The following FHIT variants were observed in gnomAD, a reference collection of about 807,000 sequenced individuals.
FHIT encodes fragile histidine triad diadenosine triphosphatase, also known as bis(5'-adenosyl)-triphosphatase.
FHIT carries 19 observed loss-of-function variants against 17.9 expected under a neutral mutation model. The ratio of observed to expected loss-of-function variants is 1.06; its 90% CI spans 0.74 to 1.56. The LOEUF (loss-of-function observed/expected upper bound fraction) is 1.56, where lower values mean the gene tolerates loss of function less well. FHIT is among the 40% of genes most tolerant of loss of function. FHIT has a pLI of 0.00. For synonymous variants in FHIT, 81 were observed against 69.7 expected (o/e 1.16, Z -0.81); for missense variants, 248 against 189.2 (o/e 1.31, Z -1.82).
intron 5 of FHIT, among the ~76,000 whole-genome samples, chr3:60,470,817 G>C (rs76592025): frequency 2.6e-5 from 4 of 152,272 alleles, no homozygotes; most frequent in Admixed American, 6.5e-5. Flanking sequence ...GGAATGTGCT[G>C]TTCACAACTG....
intron 8 of FHIT, among the ~76,000 whole-genome samples, chr3:59,762,471 T>C (rs1701571103): frequency 6.6e-6 from 1 of 152,096 alleles, no homozygotes; most frequent in African/African-American, 2.4e-5. Flanking sequence ...GTAACATGGA[T>C]AACTCAGAGT....
chr3:60,602,399 T>C (rs540928477), intron 4 of FHIT, among the ~76,000 whole-genome samples: 39 of 152,152 alleles, frequency 2.6e-4, no homozygotes, highest in Non-Finnish European at 4.7e-4. Flanking sequence ...AAAGAAAAGG[T>C]GACCCAAGAA....
chr3:60,295,091 G>C (rs938884891), intron 5 of FHIT, among the ~76,000 whole-genome samples: 1 of 151,978 alleles, frequency 6.6e-6, no homozygotes, highest in Admixed American at 6.6e-5. Flanking sequence ...TCGCTATAAA[G>C]GAATACATGA....
intron 5 of FHIT, among the ~76,000 whole-genome samples, chr3:60,373,489 C>T (rs1700422651): frequency 6.6e-6 from 1 of 152,114 alleles, no homozygotes; most frequent in African/African-American, 2.4e-5. Context: ...ATCATAGGAG[C>T]TCAGAGGCCA....
At chr3:60,981,693 C>T (rs773379433) in intron 3 of FHIT, among the ~76,000 whole-genome samples, 2 of 151,962 alleles carry the variant, frequency 1.3e-5, no homozygotes, top group African/African-American at 2.4e-5. Flanking sequence ...ACTGTAGCTT[C>T]AAACTCCTGG....
At chr3:59,940,200 C>T (rs944378852) in intron 7 of FHIT, among the ~76,000 whole-genome samples, 17 of 152,142 alleles carry the variant, frequency 1.1e-4, no homozygotes, top group African/African-American at 3.6e-4. Flanking sequence ...GTACTTGGAA[C>T]TTAGTAAGCA....
chr3:60,804,905 G>T lies in FHIT; in HGVS notation c.-18+17014C>A, dbSNP rs537067303. On this transcript the variant is annotated intron_variant, in intron 4 of 9. Coordinates refer to ENST00000492590, the MANE Select transcript of FHIT (RefSeq NM_002012.4). ...TCCCTGCACTCTTGGCATGGCCATG[G>T]CAATTTCTGCAAACAAATGACTGTG... 3.9e-5 allele frequency among the ~76,000 whole-genome samples: 6 copies of T among 152,290 alleles called. No homozygotes were observed. In the East Asian group the frequency reaches 9.6e-4, roughly 24 times the overall value.
intron 5 of FHIT, among the ~76,000 whole-genome samples, chr3:60,232,114 A>T (rs17062563): frequency 6.6e-6 from 1 of 152,170 alleles, no homozygotes; most frequent in East Asian, 1.9e-4. Flanking sequence ...TATGTGCCAC[A>T]TTATTTTTCA....
chr3:60,167,822 G>A (rs11916072), intron 5 of FHIT, among the ~76,000 whole-genome samples: 27,399 of 152,102 alleles, frequency 0.18, 2,626 homozygotes, highest in South Asian at 0.3. Context: ...GTTGAGCTCA[G>A]GAATTTGAAA....
intron 2 of FHIT, among the ~76,000 whole-genome samples, chr3:61,050,894 T>G (rs11130814): frequency 0.13 from 20,056 of 152,164 alleles, 1,398 homozygotes; most frequent in South Asian, 0.17. Context: ...CCCTCCTTTG[T>G]GTCATCAAGT....
rs183097219 is a variant in FHIT, at chr3:60,903,481, T to C, written c.-110-81470A>G. On this transcript the variant is annotated intron_variant, in intron 3 of 9. Coordinates refer to ENST00000492590, the MANE Select transcript of FHIT (RefSeq NM_002012.4). ...AGACCTAAATCTGGACCACTGAAAC[T>C]AGTGCACACTTCTAAGTTAGATGGA... Among the ~76,000 whole-genome samples the C allele has an allele frequency of 3.3e-5, 5 of 152,354 alleles. No individual in the cohort carries two copies. The East Asian group carries it at 9.6e-4, about 29-fold the overall frequency.
intron 2 of FHIT, among the ~76,000 whole-genome samples, chr3:61,067,305 G>T (rs914175038): frequency 2.0e-5 from 3 of 152,116 alleles, no homozygotes; most frequent in African/African-American, 7.2e-5. Context: ...TGTACTCATG[G>T]TGATGGTTTG....
chr3:60,691,012 T>C (rs782658335), intron 4 of FHIT, among the ~76,000 whole-genome samples: 1 of 152,198 alleles, frequency 6.6e-6, no homozygotes, highest in Non-Finnish European at 1.5e-5. Context: ...CCTGTGTGTG[T>C]GAAGGATTTT....
intron 5 of FHIT, among the ~76,000 whole-genome samples, chr3:60,317,171 A>G (rs1359893831): frequency 6.7e-6 from 1 of 149,442 alleles, no homozygotes; most frequent in Admixed American, 6.8e-5. Context: ...TAAAAATTCA[A>G]ATGGCTTATA....
intron 4 of FHIT, among the ~76,000 whole-genome samples, chr3:60,696,972 G>C (rs2041126682): frequency 6.6e-6 from 1 of 152,058 alleles, no homozygotes; most frequent in South Asian, 2.1e-4. Flanking sequence ...AGCAACATGA[G>C]TGCACTCATT....
At chr3:59,960,768 A>G (rs1171914335) in intron 7 of FHIT, among the ~76,000 whole-genome samples, 1 of 152,096 alleles carries the variant, frequency 6.6e-6, no homozygotes, top group Non-Finnish European at 1.5e-5. Context: ...TTTTAATTAC[A>G]CTTCCCTTGG....
chr3:59,829,738 C>T (rs991230974), intron 8 of FHIT, among the ~76,000 whole-genome samples: 32 of 152,174 alleles, frequency 2.1e-4, no homozygotes, highest in African/African-American at 7.7e-4. Flanking sequence ...CAGCACATGA[C>T]TCTCCAGCTC....
At chr3:60,295,852 G>C (rs1456792939) in intron 5 of FHIT, among the ~76,000 whole-genome samples, 1 of 152,128 alleles carries the variant, frequency 6.6e-6, no homozygotes, top group African/African-American at 2.4e-5. Context: ...AGGAAGGAGG[G>C]TGATATGGTT....
intron 7 of FHIT, among the ~76,000 whole-genome samples, chr3:59,924,993 ACT>A (rs947848979): frequency 6.7e-6 from 1 of 148,556 alleles, no homozygotes; most frequent in African/African-American, 2.5e-5. Context: ...TTATGTGTAG[ACT>A]CTTTGTCTCT....
Sources: gnomAD v4.1 joint callset for allele counts (sites outside exome capture counted in the v4.1 genomes callset) on GRCh38, gnomAD v4.1.1 for gene constraint, MANE v1.5 for transcripts, NCBI Gene and HGNC (gene_info 2026-07-23, HGNC 2026-07-21) for gene names.